GSG1L: variants seen among roughly 807,000 people sequenced by gnomAD.
The protein encoded by GSG1L is germ cell-specific gene 1-like protein.
In GSG1L, 24 loss-of-function variants were observed where a neutral mutation model predicts 42.1. The ratio of observed to expected loss-of-function variants is 0.57; its 90% CI spans 0.41 to 0.80. The LOEUF is 0.80. Ranked by LOEUF, GSG1L falls within the 30% of genes least tolerant of loss-of-function variation. The pLI, the probability that GSG1L is intolerant of heterozygous loss-of-function variation, is 0.00. For missense variants in GSG1L, 445 were observed against 472.2 expected, an observed-to-expected ratio of 0.94 and a Z score of 0.53; for synonymous variants, 215 against 203.5, an observed-to-expected ratio of 1.06 and a Z score of -0.48.
intron 1 of GSG1L, among the ~76,000 whole-genome samples, chr16:27,997,009 A>C (rs1318878509): frequency 6.6e-6 from 1 of 152,040 alleles, no homozygotes; most frequent in Non-Finnish European, 1.5e-5. Flanking sequence ...TGATCCACCC[A>C]CCTCGGCCTC....
intron 2 of GSG1L, among the ~76,000 whole-genome samples, chr16:27,939,655 T>C (rs1208967390): frequency 6.6e-6 from 1 of 152,126 alleles, no homozygotes; most frequent in Non-Finnish European, 1.5e-5. Context: ...GTAATATATT[T>C]AGAAGAAGAG....
intron 1 of GSG1L, among the ~76,000 whole-genome samples, chr16:27,991,745 C>T (rs1242914021): frequency 6.6e-6 from 1 of 152,166 alleles, no homozygotes; most frequent in African/African-American, 2.4e-5. Flanking sequence ...ATGTATCTCT[C>T]ATTGTTTTAC....
chr16:27,812,590 G>GAAGCCAC (rs1241700528), intron 5 of GSG1L, among the ~76,000 whole-genome samples: 1 of 152,118 alleles, frequency 6.6e-6, no homozygotes, highest in Non-Finnish European at 1.5e-5. Context: ...GCTGCACAGT[G>GAAGCCAC]AAGCCACCAC....
chr16:27,812,264 G>GT (rs2083039835), intron 5 of GSG1L, among the ~76,000 whole-genome samples: 1 of 152,158 alleles, frequency 6.6e-6, no homozygotes, highest in Non-Finnish European at 1.5e-5. Context: ...TCTCCTGTTG[G>GT]TTTTACCCAT....
intron 5 of GSG1L, among the ~76,000 whole-genome samples, chr16:27,815,897 G>C (rs1204918490): frequency 6.6e-6 from 1 of 152,126 alleles, no homozygotes; most frequent in East Asian, 1.9e-4. Context: ...ATCACCCAAG[G>C]CTGCTGCAAT....
At chr16:28,007,754 G>A (rs564186847) in intron 1 of GSG1L, among the ~76,000 whole-genome samples, 4 of 152,168 alleles carry the variant, frequency 2.6e-5, no homozygotes, top group East Asian at 1.9e-4. Flanking sequence ...GGGCTCAAGT[G>A]ATCCACCCAC....
intron 2 of GSG1L, 40 bp downstream of exon 2, chr16:27,963,116 G>A: frequency 2.5e-6 from 4 of 1,570,208 alleles, no homozygotes; most frequent in East Asian, 2.2e-5. Flanking sequence ...TGTCCCCAGA[G>A]AGAGCAGAGC....
chr16:27,820,678 G>C (rs2083142170), intron 5 of GSG1L, among the ~76,000 whole-genome samples: 1 of 152,184 alleles, frequency 6.6e-6, no homozygotes. Context: ...GCAGATCTGA[G>C]ATCTGATGGC....
chr16:28,047,545 G>A (rs2086176192), intron 1 of GSG1L, among the ~76,000 whole-genome samples: 1 of 152,074 alleles, frequency 6.6e-6, no homozygotes, highest in Non-Finnish European at 1.5e-5. Context: ...CTAACTCTAT[G>A]TTCTTACCAG....
chr16:27,854,098 CAA>C lies in GSG1L; in HGVS notation c.551-9039_551-9038del, dbSNP rs1170838210. 2.0e-5 allele frequency among the ~76,000 whole-genome samples: 3 copies of C among 151,796 alleles called. No individual in the cohort carries two copies. In the East Asian group the frequency reaches 5.8e-4, roughly 29 times the overall value. On this transcript the variant is annotated intron_variant, in intron 3 of 6. Transcript: ENST00000447459. ...AAAAAGGTTGAGAAGAATACGCTAT[CAA>C]GAGAGAGACAGTTTCTCTTCCCCTT...
chr16:27,903,976 C>T (rs58988383), intron 2 of GSG1L, among the ~76,000 whole-genome samples: 1,989 of 152,300 alleles, frequency 0.013, 50 homozygotes, highest in African/African-American at 0.045. Context: ...GGCACCCTGG[C>T]CCACTTGCTG....
intron 2 of GSG1L, among the ~76,000 whole-genome samples, chr16:27,925,354 GA>G (rs1184059324): frequency 6.6e-6 from 1 of 152,190 alleles, no homozygotes. Flanking sequence ...TTTCCAGGAA[GA>G]ATGAGTGTCC....
chr16:27,804,598 G>A (rs1407501267), intron 6 of GSG1L, among the ~76,000 whole-genome samples: 1 of 151,184 alleles, frequency 6.6e-6, no homozygotes, highest in African/African-American at 2.4e-5. Context: ...ACGTGCAGCA[G>A]ATGCTCAATA....
At chr16:27,822,946 CG>C (rs5816449) in intron 5 of GSG1L, among the ~76,000 whole-genome samples, 15,256 of 152,134 alleles carry the variant, frequency 0.1, 898 homozygotes, top group African/African-American at 0.16. Context: ...CAAAAAGCTC[CG>C]GGGGCTTCCG....
In GSG1L at chr16:27,991,770, C is replaced by T. The variant is rs909538185; in HGVS notation, c.350-28567G>A. On this transcript the variant is annotated intron_variant, in intron 1 of 6. Coordinates refer to ENST00000447459, the MANE Select transcript of GSG1L (RefSeq NM_001109763.2). Reference sequence around the variant, plus strand: ...CATTGTTTTACTTATTCTGAGAAAACCAAAATCGTGGTATTCCAAAGACTA... The same window carrying T: ...CATTGTTTTACTTATTCTGAGAAAATCAAAATCGTGGTATTCCAAAGACTA... Among the ~76,000 whole-genome samples, 10 of 152,084 alleles carry T rather than the reference C, an allele frequency of 6.6e-5. 1 individual carries two copies. The highest frequency in any genetic ancestry group is 5.9e-4 in the Admixed American group (9 of 15,256).
intron 5 of GSG1L, among the ~76,000 whole-genome samples, chr16:27,811,314 A>G (rs765486298): frequency 6.6e-6 from 1 of 152,138 alleles, no homozygotes; most frequent in Non-Finnish European, 1.5e-5. Context: ...AATATTCAAT[A>G]CCCCCATTGG....
chr16:27,906,612 AG>A (rs1258397511), intron 2 of GSG1L, among the ~76,000 whole-genome samples: 1 of 152,074 alleles, frequency 6.6e-6, no homozygotes, highest in African/African-American at 2.4e-5. Context: ...TTATTCTCAC[AG>A]GGCTGGTTCC....
intron 3 of GSG1L, among the ~76,000 whole-genome samples, chr16:27,862,617 T>C (rs1275731228): frequency 6.6e-6 from 1 of 152,130 alleles, no homozygotes; most frequent in African/African-American, 2.4e-5. Context: ...GCAGGCAAAA[T>C]GGCTCTGGGG....
intron 3 of GSG1L, among the ~76,000 whole-genome samples, chr16:27,866,278 T>G (rs769391861): frequency 2.6e-5 from 4 of 152,318 alleles, no homozygotes; most frequent in Admixed American, 1.3e-4. Flanking sequence ...CATACTTAAA[T>G]ACCATGAAAG....
Sources: gnomAD v4.1 joint callset for allele counts (sites outside exome capture counted in the v4.1 genomes callset) on GRCh38, gnomAD v4.1.1 for gene constraint, MANE v1.5 for transcripts, NCBI Gene and HGNC (gene_info 2026-07-23, HGNC 2026-07-21) for gene names.